CCDC60: variants seen among roughly 807,000 people sequenced by gnomAD.
CCDC60 encodes coiled-coil domain containing 60.
In CCDC60, 54 loss-of-function variants were observed where a neutral mutation model predicts 63.5. The observed-to-expected ratio is 0.85, with a 90% CI of 0.68 to 1.07. The LOEUF is 1.07. Among genes scored for constraint, CCDC60 ranks in the 50% least tolerant of loss-of-function variants. CCDC60 has a pLI of 0.00. For missense variants in CCDC60, 651 were observed against 684.3 expected (o/e 0.95, Z 0.54); for synonymous variants, 206 against 238.8 (o/e 0.86, Z 1.27).
At chr12:119,364,779 G>T (rs914202455) in intron 1 of CCDC60, among the ~76,000 whole-genome samples, 1 of 152,212 alleles carries the variant, frequency 6.6e-6, no homozygotes, top group East Asian at 1.9e-4. Context: ...TTGGACAACC[G>T]CAAGCATGAT....
At position 119,418,386 on chromosome 12, in the gene CCDC60, C is replaced by CTTTTTTTTTTTTT. The variant is rs556783132; in HGVS notation, c.91-10263_91-10251dup. Among the ~76,000 whole-genome samples, 216 of 65,696 alleles carry CTTTTTTTTTTTTT rather than the reference C, an allele frequency of 3.3e-3. 24 individuals carry two copies. The highest frequency in any genetic ancestry group is 4.8e-3 in the Non-Finnish European group (180 of 37,200). 43.1% of individuals were successfully genotyped at this position (65,696 alleles called of 152,430 possible). A position where few individuals can be genotyped will look rare whatever the true frequency, so the allele number is the denominator to read the frequency against. On this transcript the variant is annotated intron_variant, in intron 1 of 13. Transcript: ENST00000327554. ...TCTTTCTTTTTCCTTTTCTTTCTTT[C>CTTTTTTTTTTTTT]TTTTTTTTTTTTTTTTTTTTTTTTT...
chr12:119,372,219 C>T (rs967265792), intron 1 of CCDC60, among the ~76,000 whole-genome samples: 4 of 151,950 alleles, frequency 2.6e-5, no homozygotes, highest in Non-Finnish European at 4.4e-5. Flanking sequence ...GAGATCACAC[C>T]ACCGCACTCC....
intron 4 of CCDC60, among the ~76,000 whole-genome samples, chr12:119,483,293 T>C (rs1951365709): frequency 1.3e-5 from 2 of 152,206 alleles, no homozygotes; most frequent in African/African-American, 4.8e-5. Flanking sequence ...TTTTCAGTTG[T>C]CACATCAGCC....
intron 1 of CCDC60, among the ~76,000 whole-genome samples, chr12:119,418,690 C>G (rs989484071): frequency 6.6e-6 from 1 of 152,106 alleles, no homozygotes; most frequent in Non-Finnish European, 1.5e-5. Flanking sequence ...GCTGGGATTA[C>G]AGGCGTGAGC....
chr12:119,428,533 T>G (rs1416161609), intron 1 of CCDC60, 150 bp from the exon 2 acceptor site: 3 of 568,878 alleles, frequency 5.3e-6, no homozygotes, highest in Non-Finnish European at 9.5e-6. Context: ...AGCAGCCCCC[T>G]CTTTGGTGTC....
At chr12:119,367,593 T>C (rs537145451) in intron 1 of CCDC60, among the ~76,000 whole-genome samples, 2 of 152,310 alleles carry the variant, frequency 1.3e-5, no homozygotes, top group African/African-American at 4.8e-5. Flanking sequence ...CTTAGTACAA[T>C]GTAGAGGTCA....
intron 1 of CCDC60, among the ~76,000 whole-genome samples, chr12:119,359,512 TATAG>T (rs1291024166): frequency 1.3e-5 from 2 of 151,998 alleles, no homozygotes; most frequent in Non-Finnish European, 2.9e-5. Context: ...TTTTTAAATA[TATAG>T]ATAGATGCTT....
chr12:119,507,443 C>CAT (rs1414102336), intron 7 of CCDC60, among the ~76,000 whole-genome samples: 100 of 145,392 alleles, frequency 6.9e-4, no homozygotes, highest in Admixed American at 6.3e-4. Context: ...TATATATACA[C>CAT]ATATATATAC....
At chr12:119,368,211 AG>A (rs1177089268) in intron 1 of CCDC60, among the ~76,000 whole-genome samples, 1 of 105,412 alleles carries the variant, frequency 9.5e-6, no homozygotes, top group African/African-American at 3.7e-5. Flanking sequence ...CAGGAGGAGG[AG>A]GGGGAGGAAG....
At chr12:119,508,894 AG>A (rs1208633266) in intron 7 of CCDC60, among the ~76,000 whole-genome samples, 1 of 151,978 alleles carries the variant, frequency 6.6e-6, no homozygotes, top group Non-Finnish European at 1.5e-5. Flanking sequence ...GCGATAGCCC[AG>A]CTTCAAGGCC....
intron 1 of CCDC60, among the ~76,000 whole-genome samples, chr12:119,419,135 T>A (rs1032451729): frequency 1.3e-5 from 2 of 152,216 alleles, no homozygotes; most frequent in African/African-American, 4.8e-5. Flanking sequence ...CTCTGTCAGA[T>A]CTGCATCATG....
intron 1 of CCDC60, among the ~76,000 whole-genome samples, chr12:119,345,384 C>G (rs1248030690): frequency 1.3e-5 from 2 of 152,068 alleles, no homozygotes; most frequent in Non-Finnish European, 2.9e-5. Flanking sequence ...TGCCTATAAT[C>G]CCAGCTACTC....
intron 1 of CCDC60, among the ~76,000 whole-genome samples, chr12:119,365,220 C>T (rs995271772): frequency 6.6e-6 from 1 of 152,156 alleles, no homozygotes; most frequent in East Asian, 1.9e-4. Flanking sequence ...TGCTTCCTCC[C>T]TGTCCTGAGA....
At chr12:119,520,805 T>C (rs531655408) in intron 9 of CCDC60, among the ~76,000 whole-genome samples, 49 of 152,166 alleles carry the variant, frequency 3.2e-4, no homozygotes, top group Non-Finnish European at 6.2e-4. Context: ...GCCTTCTAAA[T>C]ACTGGAATTA....
intron 1 of CCDC60, among the ~76,000 whole-genome samples, chr12:119,343,348 A>G (rs923419475): frequency 6.6e-6 from 1 of 152,042 alleles, no homozygotes; most frequent in African/African-American, 2.4e-5. Context: ...GGGTTTCTGG[A>G]TTTCACTAAG....
At chr12:119,536,757 G>A (rs1953016785) in intron 13 of CCDC60, among the ~76,000 whole-genome samples, 2 of 152,136 alleles carry the variant, frequency 1.3e-5, no homozygotes, top group South Asian at 4.1e-4. Context: ...ACTCTCTTCT[G>A]GCTTGTAGAG....
At chr12:119,475,026 C>T (rs1259912264) in intron 3 of CCDC60, among the ~76,000 whole-genome samples, 2 of 152,138 alleles carry the variant, frequency 1.3e-5, no homozygotes, top group African/African-American at 4.8e-5. Context: ...TCACCTCCCC[C>T]AGAATCATGG....
At chr12:119,364,996 A>G (rs1315676763) in intron 1 of CCDC60, among the ~76,000 whole-genome samples, 1 of 72,384 alleles carries the variant, frequency 1.4e-5, no homozygotes, top group African/African-American at 5.6e-5. Flanking sequence ...AAATTAGTAC[A>G]TCACCGAGCA....
chr12:119,441,031 A>C (rs569474887), intron 2 of CCDC60, among the ~76,000 whole-genome samples: 2 of 152,296 alleles, frequency 1.3e-5, no homozygotes, highest in East Asian at 3.9e-4. Context: ...TTACAATATG[A>C]TCATGATCTC....
Sources: allele counts gnomAD v4.1 joint callset (sites outside exome capture counted in the v4.1 genomes callset), GRCh38; gene constraint gnomAD v4.1.1; transcripts MANE v1.5; gene names NCBI Gene and HGNC (gene_info 2026-07-23, HGNC 2026-07-21).